EPM2A: variants seen among roughly 807,000 people sequenced by gnomAD.
The protein encoded by EPM2A is EPM2A glucan phosphatase, laforin.
In EPM2A, 21 loss-of-function variants were observed where a neutral mutation model predicts 26.5. The ratio of observed to expected loss-of-function variants is 0.79; its 90% confidence interval spans 0.56 to 1.14. The LOEUF is 1.14. Among genes scored for constraint, EPM2A ranks in the 50% most tolerant of loss-of-function variants. The pLI is 0.00. For missense variants in EPM2A, 458 were observed against 440.8 expected (o/e 1.04, Z -0.35); for synonymous variants, 217 against 177.6 (o/e 1.22, Z -1.76).
chr6:145,401,216 A>T (rs1778481538), intron 4 of EPM2A, among the ~76,000 whole-genome samples: 2 of 152,164 alleles, frequency 1.3e-5, no homozygotes, highest in African/African-American at 4.8e-5. Flanking sequence ...AAATTAATGT[A>T]ATCAATTAAG....
intron 4 of EPM2A, among the ~76,000 whole-genome samples, chr6:145,450,372 A>T (rs1303011095): frequency 6.8e-6 from 1 of 147,940 alleles, no homozygotes; most frequent in East Asian, 2.0e-4. Context: ...AAAAAAAAAA[A>T]GAAACTGAAA....
At chr6:145,708,723 T>C (rs1403177059) in intron 1 of EPM2A, among the ~76,000 whole-genome samples, 1 of 152,138 alleles carries the variant, frequency 6.6e-6, no homozygotes, top group South Asian at 2.1e-4. Context: ...AAATGTGGGA[T>C]TGGAGCACCC....
chr6:145,692,520 T>C (rs534072998), intron 1 of EPM2A, among the ~76,000 whole-genome samples: 11 of 152,188 alleles, frequency 7.2e-5, no homozygotes, highest in Admixed American at 1.3e-4. Context: ...ATTAACAGAA[T>C]TGAACTAGAA....
At chr6:145,707,876 G>A (rs1311909544) in intron 1 of EPM2A, among the ~76,000 whole-genome samples, 2 of 152,198 alleles carry the variant, frequency 1.3e-5, no homozygotes, top group African/African-American at 4.8e-5. Context: ...ATAGGCAGAG[G>A]CTGGAACAGT....
chr6:145,564,768 T>G (rs1780855581), intron 2 of EPM2A, among the ~76,000 whole-genome samples: 1 of 103,072 alleles, frequency 9.7e-6, no homozygotes, highest in Non-Finnish European at 1.9e-5. Context: ...CTTGTGGGTA[T>G]ATGGTGGGGG....
chr6:145,728,776 G>A (rs1776336122), intron 1 of EPM2A, among the ~76,000 whole-genome samples: 1 of 152,204 alleles, frequency 6.6e-6, no homozygotes, highest in Non-Finnish European at 1.5e-5. Context: ...CAAGCCAGCT[G>A]TAGAAACTTG....
intron 4 of EPM2A, among the ~76,000 whole-genome samples, chr6:145,461,562 A>G (rs1449655650): frequency 3.3e-5 from 5 of 152,130 alleles, no homozygotes; most frequent in Non-Finnish European, 4.4e-5. Context: ...ACCCAATACC[A>G]TATGTTGTGT....
At chr6:145,735,088 G>T in intron 1 of EPM2A, 110 bp downstream of exon 1, 2 of 705,114 alleles carry the variant, frequency 2.8e-6, no homozygotes, top group South Asian at 3.1e-5. Flanking sequence ...CAAAAAGCCC[G>T]GGACGCGCGC....
intron 2 of EPM2A, among the ~76,000 whole-genome samples, chr6:145,504,097 G>A (rs1175608204): frequency 5.8e-5 from 8 of 138,640 alleles, no homozygotes; most frequent in Non-Finnish European, 1.1e-4. Context: ...ATCAATTCAA[G>A]ATGGATTAAA....
At chr6:145,600,312 C>A (rs1781400769) in intron 2 of EPM2A, among the ~76,000 whole-genome samples, 1 of 152,144 alleles carries the variant, frequency 6.6e-6, no homozygotes. Context: ...GGTACCATCC[C>A]TACCTAGTTC....
At chr6:145,524,504 G>C (rs1045188735) in intron 2 of EPM2A, among the ~76,000 whole-genome samples, 4 of 152,028 alleles carry the variant, frequency 2.6e-5, no homozygotes, top group Non-Finnish European at 5.9e-5. Context: ...TTATAGTTTT[G>C]ATTTGCATTT....
At chr6:145,727,499 G>A (rs1256693096) in intron 1 of EPM2A, among the ~76,000 whole-genome samples, 1 of 151,048 alleles carries the variant, frequency 6.6e-6, no homozygotes, top group African/African-American at 2.4e-5. Flanking sequence ...GAAGTAATTA[G>A]CCCATGATAA....
chr6:145,614,072 C>T (rs1055541025), intron 2 of EPM2A, among the ~76,000 whole-genome samples: 2 of 152,204 alleles, frequency 1.3e-5, no homozygotes, highest in Admixed American at 1.3e-4. Context: ...GTGTACCTGC[C>T]TTCACCAATG....
At chr6:145,690,396 G>C (rs1280323863) in intron 1 of EPM2A, among the ~76,000 whole-genome samples, 2 of 151,388 alleles carry the variant, frequency 1.3e-5, no homozygotes, top group Non-Finnish European at 2.9e-5. Context: ...TGTAGTCCCA[G>C]CTACTCGGGA....
intron 4 of EPM2A, among the ~76,000 whole-genome samples, chr6:145,430,362 G>A (rs577586969): frequency 3.5e-4 from 53 of 152,210 alleles, no homozygotes; most frequent in African/African-American, 1.2e-3. Context: ...CACTTTGGGA[G>A]GCCAAGGCGG....
intron 2 of EPM2A, among the ~76,000 whole-genome samples, chr6:145,656,657 G>A (rs1022451136): frequency 3.3e-5 from 5 of 152,184 alleles, no homozygotes; most frequent in Non-Finnish European, 7.3e-5. Flanking sequence ...GCAACATGAT[G>A]ACATGATGTC....
At chr6:145,607,129 T>G (rs1456032262) in intron 2 of EPM2A, among the ~76,000 whole-genome samples, 1 of 152,222 alleles carries the variant, frequency 6.6e-6, no homozygotes, top group Admixed American at 6.5e-5. Context: ...AAACCACTCC[T>G]GGTTTAAAGC....
At chr6:145,633,949 T>G (rs948060059) in intron 3 of EPM2A, 9 of 152,212 alleles carry the variant, frequency 5.9e-5, no homozygotes, top group African/African-American at 2.2e-4. Flanking sequence ...TTTTCATGCC[T>G]CAGCCTCTTC....
At chr6:145,398,961 T>C (rs1171259253) in intron 4 of EPM2A, among the ~76,000 whole-genome samples, 1 of 152,062 alleles carries the variant, frequency 6.6e-6, no homozygotes, top group African/African-American at 2.4e-5. Context: ...GTCCAATTGC[T>C]TGCACACCCA....
Sources: gnomAD v4.1 joint callset for allele counts (sites outside exome capture counted in the v4.1 genomes callset) on GRCh38, gnomAD v4.1.1 for gene constraint, MANE v1.5 for transcripts, NCBI Gene and HGNC (gene_info 2026-07-23, HGNC 2026-07-21) for gene names.